DIP2C: variants seen among roughly 807,000 people sequenced by gnomAD.
DIP2C encodes the protein DIP2 acetate--CoA ligase C (putative).
In DIP2C, 33 loss-of-function variants were observed where a neutral mutation model predicts 192.4. The ratio of observed to expected loss-of-function variants is 0.17; its 90% CI spans 0.13 to 0.23. DIP2C has a LOEUF of 0.23. DIP2C is among the 10% of genes least tolerant of loss of function. The pLI is 1.00. For synonymous variants in DIP2C, 979 were observed against 864.1 expected, an observed-to-expected ratio of 1.13 and a Z score of -2.33; for missense variants, 1,537 against 2,110.1, an observed-to-expected ratio of 0.73 and a Z score of 5.32.
intron 26 of DIP2C, among the ~76,000 whole-genome samples, chr10:347,279 T>C (rs879857866): frequency 0.13 from 7,110 of 55,868 alleles, 36 homozygotes; most frequent in Non-Finnish European, 0.21. Context: ...ACATCACGCA[T>C]AGTTCTCCCG....
chr10:517,236 G>A (rs1261240344), intron 1 of DIP2C, among the ~76,000 whole-genome samples: 1 of 152,044 alleles, frequency 6.6e-6, no homozygotes, highest in African/African-American at 2.4e-5. Context: ...ATCAAACCTT[G>A]CTGTCCTTGG....
At chr10:417,435 A>G (rs1038800307) in intron 6 of DIP2C, among the ~76,000 whole-genome samples, 1 of 104,354 alleles carries the variant, frequency 9.6e-6, no homozygotes, top group African/African-American at 3.5e-5. Flanking sequence ...AGTAAAGACG[A>G]ACTCATCAGA....
At chr10:388,501 G>GTTGTTT in intron 13 of DIP2C, among the ~76,000 whole-genome samples, 1 of 152,178 alleles carries the variant, frequency 6.6e-6, no homozygotes, top group African/African-American at 2.4e-5. Context: ...TAATAGACAG[G>GTTGTTT]AGGCTTTCAC....
intron 9 of DIP2C, among the ~76,000 whole-genome samples, chr10:399,672 C>G (rs1022925308): frequency 2.0e-5 from 3 of 152,194 alleles, no homozygotes; most frequent in Non-Finnish European, 4.4e-5. Flanking sequence ...TAGTGTTCTT[C>G]TCTGAAAAGT....
chr10:444,921 A>T (rs778876593), intron 3 of DIP2C, among the ~76,000 whole-genome samples: 2 of 152,160 alleles, frequency 1.3e-5, no homozygotes, highest in African/African-American at 2.4e-5. Context: ...ACACATTTTC[A>T]TCTCTCCTTG....
chr10:397,334 A>G (rs1964065981), intron 10 of DIP2C, among the ~76,000 whole-genome samples: 1 of 152,202 alleles, frequency 6.6e-6, no homozygotes, highest in Admixed American at 6.5e-5. Flanking sequence ...GTTCGAGACC[A>G]GCCTGGCCAA....
rs564455932 is a variant in DIP2C at position 599,740 on chromosome 10, G to A, written c.85+89754C>T. Reference sequence around the variant, plus strand: ...TCAACTGCAACCCTCATGTCCCAACGGGCCCTTTTTTAAGATTCCGGATGT... The same window carrying A: ...TCAACTGCAACCCTCATGTCCCAACAGGCCCTTTTTTAAGATTCCGGATGT... On this transcript the variant is annotated intron_variant, in intron 1 of 36. Coordinates refer to ENST00000280886, the MANE Select transcript of DIP2C (RefSeq NM_014974.3). 6.2e-3 allele frequency among the ~76,000 whole-genome samples: 935 copies of A among 150,034 alleles called. 9 individuals carry two copies. Among genetic ancestry groups the A allele is most frequent in the African/African-American group, 0.021 (852 of 39,760 alleles).
chr10:390,608 T>C, intron 11 of DIP2C, 132 bp downstream of exon 11: 1 of 1,459,492 alleles, frequency 6.9e-7, no homozygotes. Context: ...CGAGAACGCG[T>C]GAAAACTCGT....
intron 11 of DIP2C, 74 bp from the exon 12 acceptor site, chr10:390,447 T>G: frequency 7.1e-7 from 1 of 1,399,410 alleles, no homozygotes. Context: ...CCCATTTATG[T>G]GGTACCCTTT....
At chr10:607,301 C>T (rs1214721942) in intron 1 of DIP2C, among the ~76,000 whole-genome samples, 1 of 152,104 alleles carries the variant, frequency 6.6e-6, no homozygotes, top group South Asian at 2.1e-4. Flanking sequence ...TGCTGGACCT[C>T]TGCCCTCGAG....
intron 1 of DIP2C, among the ~76,000 whole-genome samples, chr10:566,618 A>G (rs1289316406): frequency 3.9e-5 from 6 of 152,268 alleles, no homozygotes; most frequent in African/African-American, 9.6e-5. Context: ...CATGAGCCCC[A>G]GCACACAGAA....
At position 651,086 on chromosome 10, in the gene DIP2C, A is replaced by C. The variant is rs1588680886; in HGVS notation, c.85+38408T>G. 1 of 714,386 alleles carries C rather than the reference A, an allele frequency of 1.4e-6. No homozygotes were observed. The highest frequency in any genetic ancestry group is 1.8e-5 in the African/African-American group (1 of 56,022). The allele number at this position is 714,386 out of a possible 1,614,324, so 44.3% of individuals were successfully genotyped here. On this transcript the variant is annotated intron_variant, in intron 1 of 36. Coordinates refer to ENST00000280886, the MANE Select transcript of DIP2C (RefSeq NM_014974.3). This position sits in a 1 kb window ranked among gnomAD's most constrained non-coding sequence, Gnocchi z 4.1. ...CCCCTCCTGCTCTTGTCTCTCCCACACCTCCCAAACTCTCTCCTGGCCAGC... is the reference window on the plus strand; with the variant it reads ...CCCCTCCTGCTCTTGTCTCTCCCACCCCTCCCAAACTCTCTCCTGGCCAGC...
At chr10:550,453 G>A (rs1476669873) in intron 1 of DIP2C, among the ~76,000 whole-genome samples, 1 of 152,180 alleles carries the variant, frequency 6.6e-6, no homozygotes, top group East Asian at 1.9e-4. Context: ...ACCGCAGAAG[G>A]ATCTATGGAC....
chr10:448,465 T>C (rs1476879675), intron 3 of DIP2C, among the ~76,000 whole-genome samples: 48 of 65,714 alleles, frequency 7.3e-4, no homozygotes, highest in East Asian at 9.2e-4. Flanking sequence ...GACCCACTCA[T>C]CCCCGTCTAT....
intron 3 of DIP2C, among the ~76,000 whole-genome samples, chr10:469,153 C>T (rs1564749748): frequency 6.6e-6 from 1 of 151,996 alleles, no homozygotes; most frequent in Admixed American, 6.6e-5. Flanking sequence ...CTGGACATCT[C>T]GGAGTCACTC....
chr10:515,575 T>G (rs1399133627), intron 1 of DIP2C, among the ~76,000 whole-genome samples: 1 of 152,088 alleles, frequency 6.6e-6, no homozygotes, highest in African/African-American at 2.4e-5. Flanking sequence ...ATTTTTGTAA[T>G]TAGCCAAGCG....
Position 281,338 on chromosome 10 carries a change from C to T in DIP2C, c.4295-15G>A. 6.3e-7 allele frequency: 1 copy of T among 1,598,760 alleles called. No homozygotes were observed. Among genetic ancestry groups the T allele is most frequent in the Middle Eastern group, 1.7e-4 (1 of 5,994 alleles). Reference sequence around the variant, plus strand: ...ATCATGGCGCTCTGTGGAGTAATGACAGCCTGCGTAAGCTTCCCCATAATG... The same window carrying T: ...ATCATGGCGCTCTGTGGAGTAATGATAGCCTGCGTAAGCTTCCCCATAATG... On this transcript the variant is annotated splice_polypyrimidine_tract_variant and intron_variant, in intron 35 of 36. Coordinates refer to ENST00000280886, the MANE Select transcript of DIP2C (RefSeq NM_014974.3).
At chr10:474,302 G>A (rs117840058) in intron 2 of DIP2C, among the ~76,000 whole-genome samples, 20 of 152,162 alleles carry the variant, frequency 1.3e-4, no homozygotes, top group East Asian at 1.9e-4. Context: ...TACAAATACC[G>A]TTCTATCTTA....
chr10:485,613 G>A (rs1033474395), intron 2 of DIP2C, among the ~76,000 whole-genome samples: 2 of 152,220 alleles, frequency 1.3e-5, no homozygotes, highest in Non-Finnish European at 2.9e-5. Flanking sequence ...TGAGTCAACA[G>A]GACCCGGACG....
Sources: gnomAD v4.1 joint callset for allele counts (sites outside exome capture counted in the v4.1 genomes callset) on GRCh38, gnomAD v4.1.1 for gene constraint, Gnocchi (gnomAD v3.1) non-coding constraint, MANE v1.5 for transcripts, NCBI Gene and HGNC (gene_info 2026-07-23, HGNC 2026-07-21) for gene names.